BOD1L1: variants seen among roughly 807,000 people sequenced by gnomAD.
BOD1L1 encodes the protein biorientation of chromosomes in cell division protein 1-like 1.
Under a neutral mutation model 240.7 loss-of-function variants are expected in BOD1L1, and 86 were observed. That is an observed-to-expected ratio of 0.36 (90% CI 0.30 to 0.43). BOD1L1 has a LOEUF of 0.43. Among genes scored for constraint, BOD1L1 ranks in the 20% least tolerant of loss-of-function variants. The probability of loss-of-function intolerance (pLI) is 1.00; values close to 1 mark genes in which losing one functional copy is unlikely to be tolerated. For synonymous variants in BOD1L1, 1,268 were observed against 1,272.3 expected (o/e 1.00, Z 0.07); for missense variants, 3,554 against 3,643.5 (o/e 0.98, Z 0.63).
intron 25 of BOD1L1, among the ~76,000 whole-genome samples, chr4:13,570,386 T>C (rs576454374): frequency 6.6e-6 from 1 of 152,320 alleles, no homozygotes; most frequent in African/African-American, 2.4e-5. Context: ...TACCACACTC[T>C]AGGTGCTGAT....
intron 2 of BOD1L1, among the ~76,000 whole-genome samples, chr4:13,617,023 G>C (rs1483579745): frequency 1.3e-5 from 2 of 152,156 alleles, no homozygotes; most frequent in Admixed American, 6.5e-5. Flanking sequence ...AAGGCGGGCA[G>C]ATCACAAGGT....
At chr4:13,582,484 A>G (rs17745075) in intron 18 of BOD1L1, among the ~76,000 whole-genome samples, 168 bp downstream of exon 18, 23,614 of 152,206 alleles carry the variant, frequency 0.16, 2,000 homozygotes, top group Middle Eastern at 0.23. Flanking sequence ...GCACACTTTG[A>G]GTATAGCAGG....
chr4:13,586,526 A>G, intron 16 of BOD1L1, 51 bp from the exon 17 acceptor site: 1 of 1,239,712 alleles, frequency 8.1e-7, no homozygotes, highest in Non-Finnish European at 1.2e-6. Context: ...TAAATGAAAA[A>G]TGAAATGCAT....
chr4:13,604,618 G>T lies in BOD1L1; in HGVS notation c.2282C>A (p.Ser761Tyr), dbSNP rs1715527450. ...CTCTACTTTTAAACCTTTCTCAGAAGAGTGAAGCTCAGTCTCATCACCTGT... is the reference window on the plus strand; with the variant it reads ...CTCTACTTTTAAACCTTTCTCAGAATAGTGAAGCTCAGTCTCATCACCTGT... ...HKTGDETELH[S>Y]SEKGLKVEEN... The change falls in exon 10 of 26, where the codon TCT becomes TAT. Residue 761 changes from serine to tyrosine, a missense_variant. By Grantham distance (144) the Ser-to-Tyr change is moderately radical (BLOSUM62 -2). Around this residue, in one of 2 missense-constraint regions of BOD1L1, gnomAD observed 3,393 missense variants for 3,427.1 expected, o/e 0.99. Coordinates refer to ENST00000040738, the MANE Select transcript of BOD1L1 (RefSeq NM_148894.3). The T allele has an allele frequency of 6.3e-7, 1 of 1,576,284 alleles. No individual in the cohort carries two copies. The highest frequency in any genetic ancestry group is 8.6e-7 in the Non-Finnish European group (1 of 1,169,184).
chr4:13,597,179 T>G lies in BOD1L1; in HGVS notation c.7955-11A>C, dbSNP rs1714696168. On this transcript the variant is annotated splice_polypyrimidine_tract_variant and intron_variant, in intron 10 of 25. Coordinates refer to ENST00000040738, the MANE Select transcript of BOD1L1 (RefSeq NM_148894.3). Reference sequence around the variant, plus strand: ...GAGACTCTTCATTGCCTAATAAAATTCAAGCCATTTAGTACAGTTTAAGAA... The same window carrying G: ...GAGACTCTTCATTGCCTAATAAAATGCAAGCCATTTAGTACAGTTTAAGAA... 1.3e-6 allele frequency: 2 copies of G among 1,584,088 alleles called. No individual in the cohort carries two copies. The highest frequency in any genetic ancestry group is 1.7e-6 in the Non-Finnish European group (2 of 1,163,158).
intron 17 of BOD1L1, among the ~76,000 whole-genome samples, chr4:13,584,606 C>T (rs760992415): frequency 6.6e-6 from 1 of 152,062 alleles, no homozygotes; most frequent in Non-Finnish European, 1.5e-5. Flanking sequence ...AGTCTTCAAA[C>T]CATTGGACGA....
intron 16 of BOD1L1, among the ~76,000 whole-genome samples, chr4:13,587,139 G>A (rs1713769181): frequency 6.6e-6 from 1 of 152,056 alleles, no homozygotes; most frequent in Non-Finnish European, 1.5e-5. Flanking sequence ...ACCACATCTG[G>A]CTACTGAAAT....
chr4:13,605,479 G>C, intron 9 of BOD1L1, among the ~76,000 whole-genome samples: 1 of 152,132 alleles, frequency 6.6e-6, no homozygotes, highest in East Asian at 1.9e-4. Context: ...TTGACACTCA[G>C]ACCACAAGTA....
At chr4:13,609,795 C>T (rs1291451880) in intron 6 of BOD1L1, among the ~76,000 whole-genome samples, 1 of 152,100 alleles carries the variant, frequency 6.6e-6, no homozygotes, top group African/African-American at 2.4e-5. Context: ...TATAACTTTT[C>T]AACTGTTCTT....
Position 13,601,003 on chromosome 4 carries a change from T to A in BOD1L1, c.5897A>T (p.Asp1966Val), listed in dbSNP as rs560362638. The A allele has an allele frequency of 2.5e-6, 4 of 1,614,018 alleles. No individual in the cohort carries two copies. The highest frequency in any genetic ancestry group is 3.4e-6 in the Non-Finnish European group (4 of 1,179,882). Residue 1966 changes from aspartate to valine, a missense_variant, in exon 10 of 26, where the codon GAT becomes GTT. By Grantham distance (152) the Asp-to-Val change is radical. Transcript: ENST00000040738. ...SSVTSAVSGK[D>V]EVTPVPGGCE... is the part of the protein sequence containing the mutation. ...ACCTCCTGGAACTGGTGTCACTTCA[T>A]CCTTTCCTGAGACTGCACTGGTCAC...
Position 13,602,512 on chromosome 4 carries a change from G to C in BOD1L1, c.4388C>G (p.Pro1463Arg). ...ETVKLKHKRS[P>R]GKVKDISIDV... is the part of the protein sequence containing the mutation. ...AATTGATATGTCTTTTACTTTACCT[G>C]GGCTTCTTTTATGCTTAAGTTTGAC... The change falls in exon 10 of 26, where the codon CCA (proline) becomes CGA (arginine). Residue 1463 changes from proline to arginine, a missense_variant. Around this residue, in one of 2 missense-constraint regions of BOD1L1, gnomAD observed 3,393 missense variants for 3,427.1 expected, o/e 0.99. Transcript: ENST00000040738. The C allele has an allele frequency of 6.2e-7, 1 of 1,613,836 alleles. No homozygotes were observed. Among genetic ancestry groups the C allele is most frequent in the Non-Finnish European group, 8.5e-7 (1 of 1,179,854 alleles).
At chr4:13,625,012 A>G (rs1435078021) in intron 1 of BOD1L1, 1 of 152,178 alleles carries the variant, frequency 6.6e-6, no homozygotes, top group Non-Finnish European at 1.5e-5. Context: ...GCCTGGCCAT[A>G]CTGTTGCTTT....
rs577211392 is a variant in BOD1L1, at chr4:13,600,968, G to A, written c.5932C>T (p.Pro1978Ser). 10 of 1,613,770 alleles carry A rather than the reference G, an allele frequency of 6.2e-6. No homozygotes were observed. The African/African-American group carries it at 9.3e-5, about 15-fold the overall frequency. The change falls in exon 10 of 26, where the codon CCT (proline) becomes TCT (serine). Residue 1978 changes from proline to serine, a missense_variant. Pro to Ser is a moderately conservative substitution (Grantham distance 74). This residue lies in a region of BOD1L1 where 3,393 missense variants were observed against 3,427.1 expected (regional missense o/e 0.99). Coordinates refer to ENST00000040738, the MANE Select transcript of BOD1L1 (RefSeq NM_148894.3). ...TGATCAGATGCAGCACTAGTCATAG[G>A]ACCCTCACAACCTCCTGGAACTGGT... ...VTPVPGGCEGPMTSAASDQSD... is the reference protein window; with the variant it reads ...VTPVPGGCEGSMTSAASDQSD...
At chr4:13,570,190 G>T in intron 25 of BOD1L1, 62 bp from the exon 26 acceptor site, 1 of 1,225,118 alleles carries the variant, frequency 8.2e-7, no homozygotes, top group Non-Finnish European at 1.1e-6. Flanking sequence ...AATAACTTGG[G>T]AGTTCCTTAA....
intron 5 of BOD1L1, among the ~76,000 whole-genome samples, 158 bp from the exon 6 acceptor site, chr4:13,611,258 A>T (rs1314125536): frequency 6.6e-6 from 1 of 152,262 alleles, no homozygotes; most frequent in Admixed American, 6.5e-5. Context: ...GCTATAATTC[A>T]TATTTTTATT....
intron 1 of BOD1L1, chr4:13,624,632 G>C (rs1717262615): frequency 1.3e-5 from 2 of 152,084 alleles, no homozygotes; most frequent in South Asian, 4.2e-4. Flanking sequence ...TTTTGGTCAG[G>C]TTGGCCTCGA....
At chr4:13,612,532 T>C (rs963136205) in intron 5 of BOD1L1, among the ~76,000 whole-genome samples, 5 of 152,116 alleles carry the variant, frequency 3.3e-5, no homozygotes, top group African/African-American at 4.8e-5. Flanking sequence ...CTGAGGACTA[T>C]AGGAGTTATT....
rs1717509242 is a variant in BOD1L1, at chr4:13,627,559, G to GGCGGCT, written c.23_28dup (p.Gln8_Pro9dup). 1 of 1,137,262 alleles carries GGCGGCT rather than the reference G, an allele frequency of 8.8e-7. No homozygotes were observed. Among genetic ancestry groups the GGCGGCT allele is most frequent in the Non-Finnish European group, 1.1e-6 (1 of 927,184 alleles). 70.4% of individuals were successfully genotyped at this position (1,137,262 alleles called of 1,614,324 possible). On this transcript the variant is annotated inframe_insertion, in exon 1 of 26. Coordinates refer to ENST00000040738, the MANE Select transcript of BOD1L1 (RefSeq NM_148894.3). ...CGGGGGAGGCGGCGGCGCCGGAGGA[G>GGCGGCT]GCGGCTGCGGCTGTGGGTTGGTGGC... is the stretch of plus-strand genomic sequence containing the variant.
intron 5 of BOD1L1, 115 bp from the exon 6 acceptor site, chr4:13,611,215 G>A (rs1716145026): frequency 3.1e-6 from 2 of 646,156 alleles, no homozygotes; most frequent in Admixed American, 3.6e-5. Flanking sequence ...GGAAATATCA[G>A]GATGTGAAGA....
Sources: gnomAD v4.1 joint callset for allele counts (sites outside exome capture counted in the v4.1 genomes callset) on GRCh38, gnomAD v4.1.1 for gene constraint, gnomAD v4.1.1 regional missense constraint, MANE v1.5 for transcripts, NCBI Gene and HGNC (gene_info 2026-07-23, HGNC 2026-07-21) for gene names.